The following ANK2 variants were observed in gnomAD, a reference collection of about 807,000 sequenced individuals.
ANK2 encodes the protein ankyrin-2.
A neutral mutation model predicts 360.5 loss-of-function variants in ANK2; 83 were observed. The ratio of observed to expected loss-of-function variants is 0.23; its 90% CI spans 0.19 to 0.28. The LOEUF is 0.28. Among genes scored for constraint, ANK2 ranks in the 10% least tolerant of loss-of-function variants. ANK2 has a pLI of 1.00. For missense variants in ANK2, 4,201 were observed against 4,795.7 expected, an observed-to-expected ratio of 0.88 and a Z score of 3.66; for synonymous variants, 1,740 against 1,759.5, an observed-to-expected ratio of 0.99 and a Z score of 0.28.
intron 14 of ANK2, among the ~76,000 whole-genome samples, chr4:113,266,770 A>G (rs1200864093): frequency 1.3e-5 from 2 of 152,188 alleles, no homozygotes; most frequent in Non-Finnish European, 2.9e-5. Context: ...CCAGCTGCTC[A>G]GGTGGCTGAG....
At chr4:112,862,928 G>A (rs2068640315) in intron 1 of ANK2, among the ~76,000 whole-genome samples, 1 of 151,952 alleles carries the variant, frequency 6.6e-6, no homozygotes, top group Non-Finnish European at 1.5e-5. Context: ...AGAGGATTCA[G>A]GAAACTCCAG....
chr4:112,850,258 A>G (rs1354219776), intron 1 of ANK2, among the ~76,000 whole-genome samples: 1 of 107,826 alleles, frequency 9.3e-6, no homozygotes, highest in Non-Finnish European at 1.8e-5. Context: ...TCATCTATCT[A>G]TCTATCTATC....
In ANK2 at chr4:113,355,948, G is replaced by A. The variant is rs762444844; in HGVS notation, c.7330G>A (p.Glu2444Lys). 6.2e-7 allele frequency: 1 copy of A among 1,614,120 alleles called. No individual in the cohort carries two copies. The highest frequency in any genetic ancestry group is 8.5e-7 in the Non-Finnish European group (1 of 1,179,984). Reference protein sequence around the residue: ...KDSLEASPVLEDNSSHKTPDS... With the variant: ...KDSLEASPVLKDNSSHKTPDS... ...CTCTCTGGAAGCCAGCCCTGTGCTAGAAGATAACTCTTCACACAAAACCCC... is the reference window on the plus strand; with the variant it reads ...CTCTCTGGAAGCCAGCCCTGTGCTAAAAGATAACTCTTCACACAAAACCCC... The change falls in exon 38 of 46, where the codon GAA (glutamate) becomes AAA (lysine). Residue 2444 changes from glutamate to lysine, a missense_variant. Glu to Lys is a moderately conservative substitution (Grantham distance 56). This residue lies in a region of ANK2 where 2,642 missense variants were observed against 2,714.5 expected (regional missense o/e 0.97). Coordinates refer to ENST00000357077, the MANE Select transcript of ANK2 (RefSeq NM_001148.6).
At chr4:113,045,397 T>C (rs894218044), upstream of ANK2, among the ~76,000 whole-genome samples, 4 of 152,218 alleles carry the variant, frequency 2.6e-5, no homozygotes, top group South Asian at 2.1e-4. Flanking sequence ...CTGCTTTTCA[T>C]TGAAGCCAGC....
intron 1 of ANK2, among the ~76,000 whole-genome samples, chr4:112,875,815 T>C (rs2074882266): frequency 6.6e-6 from 1 of 152,024 alleles, no homozygotes; most frequent in African/African-American, 2.4e-5. Context: ...CATAGCTCAC[T>C]GCAGCAGCCT....
intron 32 of ANK2, 133 bp from the exon 33 acceptor site, chr4:113,341,555 A>T (rs552988984): frequency 3.4e-6 from 3 of 872,542 alleles, no homozygotes; most frequent in South Asian, 1.5e-5. Context: ...GCCTTCTCTC[A>T]TTATCTCCCT....
At chr4:112,999,723 C>T (rs2049941629) in intron 2 of ANK2, among the ~76,000 whole-genome samples, 1 of 151,294 alleles carries the variant, frequency 6.6e-6, no homozygotes. Flanking sequence ...GAATTCCAAT[C>T]ATAGAGGAAA....
At chr4:113,075,225 A>C (rs1286738942) in intron 1 of ANK2, among the ~76,000 whole-genome samples, 1 of 152,188 alleles carries the variant, frequency 6.6e-6, no homozygotes, top group Non-Finnish European at 1.5e-5. Context: ...CAACAAATTA[A>C]ATTTCTACCT....
At chr4:112,770,319 ATGTG>A in the ANK2 span, among the ~76,000 whole-genome samples, 1 of 152,192 alleles carries the variant, frequency 6.6e-6, no homozygotes, top group East Asian at 1.9e-4. Flanking sequence ...GCTCCAGGGA[ATGTG>A]GACAGGCGTG....
At chr4:112,727,505 GAAAT>G in the ANK2 span, among the ~76,000 whole-genome samples, 69 of 151,344 alleles carry the variant, frequency 4.6e-4, no homozygotes, top group African/African-American at 1.5e-3. Context: ...TATTAGACTA[GAAAT>G]AAATAAATAA....
intron 1 of ANK2, among the ~76,000 whole-genome samples, chr4:112,881,165 T>C (rs972063425): frequency 1.3e-5 from 2 of 152,188 alleles, no homozygotes; most frequent in Non-Finnish European, 2.9e-5. Context: ...GGGCTGGGTG[T>C]GGTGGCTCAT....
intron 1 of ANK2, among the ~76,000 whole-genome samples, chr4:112,846,814 G>A (rs1052594365): frequency 2.0e-5 from 3 of 152,184 alleles, no homozygotes; most frequent in Admixed American, 6.5e-5. Flanking sequence ...TTGCCCATGA[G>A]GTCATCAAAG....
rs777812916 is a variant in ANK2, at chr4:113,336,807, A to C, written c.3796+26A>C. The C allele has an allele frequency of 2.5e-6, 4 of 1,608,602 alleles. No homozygotes were observed. In the South Asian group the frequency reaches 4.4e-5, roughly 18 times the overall value. On this transcript the variant is annotated intron_variant, in intron 31 of 45. Transcript: ENST00000357077. ...GTGAGTCACATATGACTGTGTTCGT[A>C]GAGAGTTCTGAAAAAAGAAACTTAG...
intron 4 of ANK2, among the ~76,000 whole-genome samples, chr4:113,210,355 C>T (rs1215788431): frequency 6.6e-6 from 1 of 152,094 alleles, no homozygotes; most frequent in Non-Finnish European, 1.5e-5. Flanking sequence ...AAATTTGAGG[C>T]ATATGTCAAA....
At chr4:112,847,874 T>G (rs773073409) in intron 1 of ANK2, among the ~76,000 whole-genome samples, 3 of 152,184 alleles carry the variant, frequency 2.0e-5, no homozygotes, top group Admixed American at 1.3e-4. Context: ...CAAACTTACC[T>G]GTAGCCAGAA....
chr4:112,812,681 A>G, the ANK2 span, among the ~76,000 whole-genome samples: 5 of 152,182 alleles, frequency 3.3e-5, no homozygotes, highest in African/African-American at 1.2e-4. Flanking sequence ...AGAAAAATAA[A>G]TGTTTCAAGC....
Position 113,369,439 on chromosome 4 carries a change from C to T in ANK2, c.11319-75C>T, listed in dbSNP as rs1219378585. On this transcript the variant is annotated intron_variant, in intron 42 of 45. Coordinates refer to ENST00000357077, the MANE Select transcript of ANK2 (RefSeq NM_001148.6). ...CTATGGAAAAACCAGCTCCATCTTG[C>T]CTTTCGATTTCCTTGCTTGAGCAGG... 8 of 1,510,598 alleles carry T rather than the reference C, an allele frequency of 5.3e-6. No individual in the cohort carries two copies. In the African/African-American group the frequency reaches 6.8e-5, roughly 13 times the overall value. 93.6% of individuals were successfully genotyped at this position (1,510,598 alleles called of 1,614,324 possible). A position where few individuals can be genotyped will look rare whatever the true frequency, so the allele number is the denominator to read the frequency against.
chr4:112,793,901 T>C, the ANK2 span, among the ~76,000 whole-genome samples: 1 of 152,098 alleles, frequency 6.6e-6, no homozygotes, highest in African/African-American at 2.4e-5. Flanking sequence ...GGTTTCACCA[T>C]GTTGTCCAGG....
intron 2 of ANK2, among the ~76,000 whole-genome samples, chr4:112,961,957 T>TG (rs910795014): frequency 2.2e-4 from 34 of 152,154 alleles, no homozygotes; most frequent in Non-Finnish European, 5.9e-5. Context: ...GCCTAGGAAT[T>TG]TTTCCAAGTT....
Sources: gnomAD v4.1 joint callset for allele counts (sites outside exome capture counted in the v4.1 genomes callset) on GRCh38, gnomAD v4.1.1 for gene constraint, gnomAD v4.1.1 regional missense constraint, MANE v1.5 for transcripts, NCBI Gene and HGNC (gene_info 2026-07-23, HGNC 2026-07-21) for gene names.